Variants in ABCA9 observed in about 807,000 individuals in gnomAD.
ABCA9 encodes the protein ATP-binding cassette sub-family A member 9.
Under a neutral mutation model 205.3 loss-of-function variants are expected in ABCA9, and 183 were observed. The observed-to-expected ratio is 0.89, with a 90% CI of 0.79 to 1.01. ABCA9 has a LOEUF of 1.01. Ranked by LOEUF, ABCA9 falls within the 50% of genes least tolerant of loss-of-function variation. The pLI, the probability that ABCA9 is intolerant of heterozygous loss-of-function variation, is 0.00. For missense variants in ABCA9, 1,805 were observed against 1,912.4 expected (o/e 0.94, Z 1.05); for synonymous variants, 651 against 683.3 (o/e 0.95, Z 0.74).
At chr17:68,986,834 GTGC>G (rs1402694729) in intron 31 of ABCA9, 1 of 152,308 alleles carries the variant, frequency 6.6e-6, no homozygotes, top group Non-Finnish European at 1.5e-5. Context: ...GGGGCCAAGG[GTGC>G]TGCCAAACAT....
rs2068861634 is a variant in ABCA9 at position 68,975,021 on chromosome 17, AGGCCC to A, written c.*889_*893del. ...CTCCCCTAGCCCCCATCCCCCCAAC[AGGCCC>A]CAGGGTGTGGTGTTCCCCTCCCTGT... On this transcript the variant is annotated 3_prime_UTR_variant, in exon 39 of 39. Transcript: ENST00000340001. 1 of 151,470 alleles carries A rather than the reference AGGCCC, an allele frequency of 6.6e-6. No homozygotes were observed. The highest frequency in any genetic ancestry group is 2.1e-4 in the South Asian group (1 of 4,800). The allele number at this position is 151,470 out of a possible 1,614,324, so 9.4% of individuals were successfully genotyped here. A position where few individuals can be genotyped will look rare whatever the true frequency, so the allele number is the denominator to read the frequency against.
chr17:69,047,327 G>C (rs1055272464), intron 3 of ABCA9, among the ~76,000 whole-genome samples: 4 of 150,056 alleles, frequency 2.7e-5, no homozygotes, highest in African/African-American at 9.8e-5. Flanking sequence ...GAGGTGTATT[G>C]GTCTGTTTGC....
chr17:69,024,301 G>A lies in ABCA9; in HGVS notation c.2194C>T (p.Gln732Ter), dbSNP rs375203497. ...GTCAATTTGGCATCAGAGATGTGCT[G>A]CTTAACCAGTGATGTTATACTCTCT... is the stretch of plus-strand genomic sequence containing the variant. ...DPESITSLVK[Q>*]HISDAKLTAQ... Residue 732 changes from glutamine (Q) to a stop codon, truncating the protein, a stop_gained, in exon 17 of 39, where the codon CAG becomes TAG. Transcript: ENST00000340001. LOFTEE classifies it high-confidence loss of function. 1.9e-6 allele frequency: 3 copies of A among 1,612,758 alleles called. No homozygotes were observed. In the African/African-American group the frequency reaches 4.0e-5, roughly 22 times the overall value.
chr17:68,993,492 C>T (rs1452426757), intron 26 of ABCA9, among the ~76,000 whole-genome samples: 2 of 152,242 alleles, frequency 1.3e-5, no homozygotes, highest in Non-Finnish European at 2.9e-5. Context: ...TGCCCTCTTA[C>T]AGCCACTTTT....
intron 30 of ABCA9, 138 bp from the exon 31 acceptor site, chr17:68,989,256 T>TCTCTCACACACACA (rs138281321): frequency 1.2e-3 from 295 of 243,074 alleles, no homozygotes; most frequent in Non-Finnish European, 1.5e-3. Context: ...TCTCTCTCTC[T>TCTCTCACACACACA]CACACACACA....
upstream of ABCA9, among the ~76,000 whole-genome samples, chr17:69,065,661 T>C (rs182703572): frequency 3.9e-5 from 6 of 152,298 alleles, no homozygotes; most frequent in East Asian, 1.2e-3. Flanking sequence ...TGACTACAAC[T>C]ATCTGCTCAG....
At chr17:69,074,680 T>C in the ABCA9 span, among the ~76,000 whole-genome samples, 1 of 152,232 alleles carries the variant, frequency 6.6e-6, no homozygotes, top group Non-Finnish European at 1.5e-5. Context: ...GTTGATTCCA[T>C]GTCTTTACTA....
At chr17:68,989,631 C>A (rs1433777317) in intron 30 of ABCA9, among the ~76,000 whole-genome samples, 182 bp downstream of exon 30, 1 of 152,174 alleles carries the variant, frequency 6.6e-6, no homozygotes, top group African/African-American at 2.4e-5. Context: ...ACAGACATAA[C>A]TGTCTTCCTA....
At chr17:69,029,099 C>T in intron 11 of ABCA9, 70 bp downstream of exon 11, 1 of 902,548 alleles carries the variant, frequency 1.1e-6, no homozygotes, top group Non-Finnish European at 1.7e-6. Flanking sequence ...TTAATCCCTA[C>T]CAAGAAATTA....
At chr17:69,022,749 T>A (rs1028619111) in intron 17 of ABCA9, among the ~76,000 whole-genome samples, 4 of 152,166 alleles carry the variant, frequency 2.6e-5, no homozygotes, top group Non-Finnish European at 4.4e-5. Flanking sequence ...TCCCTCTCTC[T>A]TTCAACTTCT....
the ABCA9 span, among the ~76,000 whole-genome samples, chr17:69,071,055 G>C: frequency 6.6e-6 from 1 of 152,106 alleles, no homozygotes; most frequent in African/African-American, 2.4e-5. Context: ...CTCCTCTCTG[G>C]GCAGGGCATC....
At position 69,020,469 on chromosome 17, in the gene ABCA9, G is replaced by T; in HGVS notation, c.2519C>A (p.Ala840Glu). The T allele has an allele frequency of 1.9e-6, 3 of 1,613,974 alleles. No homozygotes were observed. Among genetic ancestry groups the T allele is most frequent in the Non-Finnish European group, 2.5e-6 (3 of 1,179,936 alleles). ...TGCACAGACCTGCTGCCTCCAGAGCGCCACGCCACTGATTGTTTTCCTTGT... is the reference window on the plus strand; with the variant it reads ...TGCACAGACCTGCTGCCTCCAGAGCTCCACGCCACTGATTGTTTTCCTTGT... ...HETRKTISGV[A>E]LWRQQVCAIA... Residue 840 changes from alanine to glutamate, a missense_variant, in exon 19 of 39, where the codon GCG becomes GAG. Transcript: ENST00000340001.
At chr17:69,052,556 A>G (rs1480524152) in intron 1 of ABCA9, among the ~76,000 whole-genome samples, 1 of 152,204 alleles carries the variant, frequency 6.6e-6, no homozygotes. Context: ...GACAATATGT[A>G]ACGAGGGAGA....
At position 69,008,342 on chromosome 17, in the gene ABCA9, ATAT is replaced by A. The variant is rs72452413; in HGVS notation, c.3148-110_3148-108del. ...TTCATTTTTGCTTCGCCTTTTAGAA[ATAT>A]TATCCTGATTTAGCAAATGATACCA... On this transcript the variant is annotated intron_variant, in intron 23 of 38. Transcript: ENST00000340001. 13,974 of 1,047,762 alleles carry A rather than the reference ATAT, an allele frequency of 0.013. 1,239 individuals are homozygous for A. The African/African-American group carries it at 0.19, about 15-fold the overall frequency. The allele number at this position is 1,047,762 out of a possible 1,614,324, so 64.9% of individuals were successfully genotyped here.
chr17:69,012,005 T>C lies in ABCA9; in HGVS notation c.3118A>G (p.Ile1040Val), dbSNP rs753110125. The C allele has an allele frequency of 1.2e-5, 20 of 1,612,798 alleles. No individual in the cohort carries two copies. The highest frequency in any genetic ancestry group is 5.5e-5 in the South Asian group (5 of 90,876). ...TAGTCACCAATGCTGCTCATTGCAA[T>C]GTATGGAGTGAAAGAGGCTGCCATC... ...IPMAASFTPY[I>V]AMSSIGDYKK... The change falls in exon 23 of 39, where the codon ATT (isoleucine) becomes GTT (valine). Residue 1040 changes from isoleucine to valine, a missense_variant. Physicochemically the swap from Ile to Val is conservative, Grantham distance 29 (BLOSUM62 3). Coordinates refer to ENST00000340001, the MANE Select transcript of ABCA9 (RefSeq NM_080283.4).
chr17:69,034,413 G>A (rs566332266), intron 8 of ABCA9, among the ~76,000 whole-genome samples: 1 of 152,022 alleles, frequency 6.6e-6, no homozygotes, highest in African/African-American at 2.4e-5. Context: ...TGGAGATGGG[G>A]TTTCACCATG....
intron 36 of ABCA9, among the ~76,000 whole-genome samples, chr17:68,982,984 C>T (rs551592777): frequency 3.9e-5 from 6 of 151,920 alleles, no homozygotes; most frequent in South Asian, 2.1e-4. Flanking sequence ...GTAGACTGGG[C>T]GACAGAGTGA....
rs535635454 is a variant in ABCA9 at position 69,022,778 on chromosome 17, C to T, written c.2282-917G>A. Among the ~76,000 whole-genome samples the T allele has an allele frequency of 2.0e-5, 3 of 152,190 alleles. No individual in the cohort carries two copies. The South Asian group carries it at 6.2e-4, about 32-fold the overall frequency. ...AACTTCTGACCATGGTGTGAAAATT[C>T]AGGAAAACTGAAAGGTGGATAAAAG... is the stretch of plus-strand genomic sequence containing the variant. On this transcript the variant is annotated intron_variant, in intron 17 of 38. Transcript: ENST00000340001.
In ABCA9 at chr17:69,017,658, T is replaced by C. The variant is rs1388513912; in HGVS notation, c.2899A>G (p.Lys967Glu). 6.2e-7 allele frequency: 1 copy of C among 1,612,748 alleles called. No homozygotes were observed. Among genetic ancestry groups the C allele is most frequent in the Non-Finnish European group, 8.5e-7 (1 of 1,179,190 alleles). The part of the protein sequence containing the change: ...NGAIIVSGDE[K>E]DHRFSIACNT... ...GCAGCAACTGGAGTCCAGCATACCT[T>C]TTCATCACCTGACACAATGATAGCA... The change falls in exon 21 of 39, where the codon AAG becomes GAG. Residue 967 changes from lysine (K) to glutamate (E), a missense_variant and splice_region_variant. Physicochemically the swap from Lys to Glu is moderately conservative, Grantham distance 56. Coordinates refer to ENST00000340001, the MANE Select transcript of ABCA9 (RefSeq NM_080283.4).
Sources: gnomAD v4.1 joint callset for allele counts (sites outside exome capture counted in the v4.1 genomes callset) on GRCh38, gnomAD v4.1.1 for gene constraint, MANE v1.5 for transcripts, NCBI Gene and HGNC (gene_info 2026-07-23, HGNC 2026-07-21) for gene names.